Variants in BRAP observed in about 807,000 individuals in gnomAD.
BRAP encodes BRCA1-associated protein.
Under a neutral mutation model 73.4 loss-of-function variants are expected in BRAP, and 42 were observed. The observed-to-expected ratio is 0.57, with a 90% CI of 0.45 to 0.74. BRAP has a LOEUF of 0.74. BRAP is among the 30% of genes least tolerant of loss of function. BRAP has a pLI of 0.00. For missense variants in BRAP, 593 were observed against 751.4 expected (o/e 0.79, Z 2.46); for synonymous variants, 255 against 267.4 (o/e 0.95, Z 0.45).
chr12:111,684,101 A>G (rs1278040714), intron 1 of BRAP, among the ~76,000 whole-genome samples: 2 of 152,216 alleles, frequency 1.3e-5, no homozygotes, highest in African/African-American at 4.8e-5. Context: ...AATGAAACAC[A>G]TGAAAAGGGA....
rs573100927 is a variant in BRAP at position 111,649,036 on chromosome 12, C to T, written c.1415+903G>A. On this transcript the variant is annotated intron_variant, in intron 11 of 11. Transcript: ENST00000419234. ...ACAACAACAACAAAAAAAACCCGTC[C>T]GGTTTTTACTTTGTATTCTTTAACA... Among the ~76,000 whole-genome samples the T allele has an allele frequency of 1.2e-3, 188 of 152,176 alleles. 1 individual carries two copies. Among genetic ancestry groups the T allele is most frequent in the Non-Finnish European group, 2.2e-3 (150 of 68,014 alleles).
intron 11 of BRAP, among the ~76,000 whole-genome samples, chr12:111,649,388 A>G (rs1886235874): frequency 6.6e-6 from 1 of 152,190 alleles, no homozygotes; most frequent in Non-Finnish European, 1.5e-5. Flanking sequence ...CCTGGGCTCA[A>G]GCAACCTGCC....
At chr12:111,655,065 A>G (rs1886475335) in intron 10 of BRAP, among the ~76,000 whole-genome samples, 1 of 152,160 alleles carries the variant, frequency 6.6e-6, no homozygotes. Context: ...AAAGTAGTGA[A>G]TGGCATCTTT....
rs1244645378 is a variant in BRAP, at chr12:111,680,695, AAAAAACAAAAC to A, written c.443+931_443+941del. Reference sequence around the variant, plus strand: ...TTATGGAGTGAGACCCTGTCTCAAAAAAAAACAAAACAAAAAACAAAACAAAAAACAAAACA... The same window carrying A: ...TTATGGAGTGAGACCCTGTCTCAAAAAAAAAACAAAACAAAAAACAAAACA... On this transcript the variant is annotated intron_variant, in intron 3 of 11. Coordinates refer to ENST00000419234, the MANE Select transcript of BRAP (RefSeq NM_006768.5). Among the ~76,000 whole-genome samples, 50 of 62,490 alleles carry A rather than the reference AAAAAACAAAAC, an allele frequency of 8.0e-4. No homozygotes were observed. The East Asian group carries it at 0.034, about 43-fold the overall frequency. 41.0% of individuals were successfully genotyped at this position (62,490 alleles called of 152,430 possible).
intron 4 of BRAP, 101 bp from the exon 5 acceptor site, chr12:111,672,875 T>A: frequency 1.1e-6 from 1 of 910,602 alleles, no homozygotes; most frequent in Non-Finnish European, 1.7e-6. Context: ...CATCAGCTTT[T>A]AAAATTTATA....
In BRAP at chr12:111,679,229, G is replaced by T; in HGVS notation, c.555C>A (p.Asn185Lys). The change falls in exon 4 of 12, where the codon AAC becomes AAA. Residue 185 changes from asparagine (N) to lysine (K), a missense_variant. By Grantham distance (94) the Asn-to-Lys change is moderately conservative. Coordinates refer to ENST00000419234, the MANE Select transcript of BRAP (RefSeq NM_006768.5). ...HDLMKFVAPFNEVIEQMKIIR... is the reference protein window; with the variant it reads ...HDLMKFVAPFKEVIEQMKIIR... ...TAATTTTCATTTGTTCAATTACTTC[G>T]TTAAATGGGGCAACAAACTTCATAA... The T allele has an allele frequency of 6.2e-7, 1 of 1,610,372 alleles. No individual in the cohort carries two copies. The highest frequency in any genetic ancestry group is 8.5e-7 in the Non-Finnish European group (1 of 1,177,900).
At chr12:111,666,453 CAGAT>C (rs2135914427) in intron 5 of BRAP, among the ~76,000 whole-genome samples, 1 of 152,252 alleles carries the variant, frequency 6.6e-6, no homozygotes, top group East Asian at 1.9e-4. Context: ...CCTCATTGTA[CAGAT>C]AGAGATTGAG....
rs148963141 is a variant in BRAP at position 111,658,799 on chromosome 12, T to G, written c.1158A>C (p.Ile386=). ...RLVASKTDGK[I]VQYECEGDTC... ...TATCCCCCTCACATTCATACTGTAC[T>G]ATTTTTCCATCTGTTTTACTTGCAA... The change falls in exon 9 of 12, where the codon ATA becomes ATC. Residue 386 remains isoleucine (I), a synonymous_variant. Coordinates refer to ENST00000419234, the MANE Select transcript of BRAP (RefSeq NM_006768.5). The G allele has an allele frequency of 4.3e-6, 7 of 1,613,148 alleles. No individual in the cohort carries two copies. Among genetic ancestry groups the G allele is most frequent in the Non-Finnish European group, 5.1e-6 (6 of 1,179,232 alleles).
At chr12:111,648,022 G>A (rs896101041) in intron 11 of BRAP, among the ~76,000 whole-genome samples, 3 of 152,164 alleles carry the variant, frequency 2.0e-5, no homozygotes, top group South Asian at 2.1e-4. Flanking sequence ...TGAGCTGGCC[G>A]AACACAGTGG....
chr12:111,670,702 C>T (rs547565592), intron 5 of BRAP, among the ~76,000 whole-genome samples: 1 of 151,856 alleles, frequency 6.6e-6, no homozygotes, highest in Admixed American at 6.6e-5. Flanking sequence ...GTTGGCCAGG[C>T]TGGTCTCAAA....
chr12:111,663,337 C>G (rs1724739478), intron 6 of BRAP, among the ~76,000 whole-genome samples: 1 of 151,998 alleles, frequency 6.6e-6, no homozygotes, highest in Admixed American at 6.6e-5. Context: ...CCTGTAGTCC[C>G]AGCTACTCGG....
chr12:111,674,288 G>A (rs941891368), intron 4 of BRAP, among the ~76,000 whole-genome samples: 2 of 151,918 alleles, frequency 1.3e-5, no homozygotes, highest in Non-Finnish European at 2.9e-5. Context: ...TGTCACCCAG[G>A]CTGGAGAGCA....
intron 3 of BRAP, among the ~76,000 whole-genome samples, chr12:111,681,324 C>T (rs1231378624): frequency 1.3e-5 from 2 of 151,358 alleles, no homozygotes; most frequent in Admixed American, 6.6e-5. Context: ...GATCTGAGAT[C>T]GCGCCATTGC....
chr12:111,674,015 T>A (rs1887279869), intron 4 of BRAP, among the ~76,000 whole-genome samples: 1 of 152,140 alleles, frequency 6.6e-6, no homozygotes. Flanking sequence ...ACACAGAAAG[T>A]TATGTGCTTT....
chr12:111,679,264 T>C lies in BRAP; in HGVS notation c.520A>G (p.Ser174Gly), dbSNP rs372586054. ...CILTVPAAMT[S>G]HDLMKFVAPF... ...GCAACAAACTTCATAAGGTCATGACTGGTCATTGCAGCAGGGACTGTGAGA... is the reference window on the plus strand; with the variant it reads ...GCAACAAACTTCATAAGGTCATGACCGGTCATTGCAGCAGGGACTGTGAGA... Residue 174 changes from serine to glycine, a missense_variant, in exon 4 of 12, where the codon AGT becomes GGT. By Grantham distance (56) the Ser-to-Gly change is moderately conservative (BLOSUM62 0). Coordinates refer to ENST00000419234, the MANE Select transcript of BRAP (RefSeq NM_006768.5). The C allele has an allele frequency of 1.9e-6, 3 of 1,610,924 alleles. No homozygotes were observed. The highest frequency in any genetic ancestry group is 2.5e-6 in the Non-Finnish European group (3 of 1,178,132).
Position 111,665,341 on chromosome 12 carries a change from T to C in BRAP, c.896+298A>G, listed in dbSNP as rs1283341823. 6.6e-6 allele frequency among the ~76,000 whole-genome samples: 1 copy of C among 151,836 alleles called. No homozygotes were observed. The highest frequency in any genetic ancestry group is 1.5e-5 in the Non-Finnish European group (1 of 68,006). On this transcript the variant is annotated intron_variant, in intron 6 of 11. Coordinates refer to ENST00000419234, the MANE Select transcript of BRAP (RefSeq NM_006768.5). This position sits in a 1 kb window ranked among gnomAD's most constrained non-coding sequence, Gnocchi z 4.3. ...ATACATGAGATTCCAGACCTAGATT[T>C]CACTGCAGCACGAGAGCCTCAAACT... is the stretch of plus-strand genomic sequence containing the variant.
intron 10 of BRAP, among the ~76,000 whole-genome samples, chr12:111,651,450 C>T (rs983870640): frequency 2.6e-5 from 4 of 151,360 alleles, no homozygotes; most frequent in East Asian, 3.9e-4. Context: ...AGGCAGGGAG[C>T]GGCTTGAACC....
At chr12:111,659,060 A>T in intron 8 of BRAP, 147 bp downstream of exon 8, 1 of 993,198 alleles carries the variant, frequency 1.0e-6, no homozygotes, top group East Asian at 2.5e-5. Flanking sequence ...ATTCCTAGAA[A>T]AATAGTGCCC....
intron 5 of BRAP, among the ~76,000 whole-genome samples, chr12:111,667,781 G>C (rs1210853199): frequency 1.4e-5 from 2 of 145,082 alleles, no homozygotes; most frequent in Non-Finnish European, 3.0e-5. Context: ...ATCTCACAAA[G>C]TATATGTGGT....
Sources: gnomAD v4.1 joint callset for allele counts (sites outside exome capture counted in the v4.1 genomes callset) on GRCh38, gnomAD v4.1.1 for gene constraint, Gnocchi (gnomAD v3.1) non-coding constraint, MANE v1.5 for transcripts, NCBI Gene and HGNC (gene_info 2026-07-23, HGNC 2026-07-21) for gene names.